CELF4: variants seen among roughly 807,000 people sequenced by gnomAD.
The protein encoded by CELF4 is CUG-BP- and ETR-3-like factor 4.
In CELF4, 18 loss-of-function variants were observed where a neutral mutation model predicts 59.9. The ratio of observed to expected loss-of-function variants is 0.30; its 90% CI spans 0.21 to 0.45. CELF4 has a LOEUF of 0.45. Ranked by LOEUF, CELF4 falls within the 20% of genes least tolerant of loss-of-function variation. The pLI, the probability that CELF4 is intolerant of heterozygous loss-of-function variation, is 1.00. For synonymous variants in CELF4, 261 were observed against 267.1 expected, an observed-to-expected ratio of 0.98 and a Z score of 0.22; for missense variants, 456 against 689.0, an observed-to-expected ratio of 0.66 and a Z score of 3.79.
At position 37,259,288 on chromosome 18, in the gene CELF4, C is replaced by A. The variant is rs771544570; in HGVS notation, c.1250-24G>T. On this transcript the variant is annotated intron_variant, in intron 10 of 12. Coordinates refer to ENST00000420428, the MANE Select transcript of CELF4 (RefSeq NM_020180.4). ...CCCTGCGGTGAGGGGAGGGGGTGGG[C>A]GGGGGAGGAGGGATGGCAGGGTGGG... 2.5e-5 allele frequency: 3 copies of A among 120,584 alleles called. No individual in the cohort carries two copies. In the East Asian group the frequency reaches 2.8e-4, roughly 11 times the overall value. The allele number at this position is 120,584 out of a possible 1,614,324, so 7.5% of individuals were successfully genotyped here.
chr18:37,454,450 T>C (rs975151936), intron 2 of CELF4, among the ~76,000 whole-genome samples: 1 of 152,160 alleles, frequency 6.6e-6, no homozygotes, highest in Non-Finnish European at 1.5e-5. Context: ...TTTGCTGACC[T>C]CCTTTACAGG....
intron 2 of CELF4, among the ~76,000 whole-genome samples, chr18:37,358,832 GGTGGTTCATGC>G (rs1444118665): frequency 0.042 from 3 of 72 alleles, no homozygotes; most frequent in East Asian, 0.38. Flanking sequence ...GCTGGGCATG[GGTGGTTCATGC>G]CTGTAATCCT....
At chr18:37,463,279 A>C (rs1019869064) in intron 2 of CELF4, among the ~76,000 whole-genome samples, 1 of 152,166 alleles carries the variant, frequency 6.6e-6, no homozygotes, top group African/African-American at 2.4e-5. Context: ...GGCAGCGGGC[A>C]TGGCTGCACC....
chr18:37,331,466 G>T (rs982832725), intron 2 of CELF4, among the ~76,000 whole-genome samples: 1 of 152,138 alleles, frequency 6.6e-6, no homozygotes, highest in African/African-American at 2.4e-5. Flanking sequence ...AGCTGCACAG[G>T]CTCCGAGTAT....
rs953675950 is a variant in CELF4, at chr18:37,296,140, A to C, written c.449-20897T>G. The stretch of plus-strand genomic sequence containing the variant: ...TGCCTCTTGGCTTGGCCATTCAACT[A>C]TCTTTTTGGCTTGTTTGTTTCATAT... On this transcript the variant is annotated intron_variant, in intron 3 of 12. Transcript: ENST00000420428. 4.6e-5 allele frequency among the ~76,000 whole-genome samples: 7 copies of C among 152,148 alleles called. 1 individual carries two copies. The highest frequency in any genetic ancestry group is 8.8e-5 in the Non-Finnish European group (6 of 68,026).
chr18:37,359,838 T>C (rs2098673038), intron 2 of CELF4, among the ~76,000 whole-genome samples: 1 of 151,636 alleles, frequency 6.6e-6, no homozygotes, highest in African/African-American at 2.4e-5. Flanking sequence ...TGAGTCACCA[T>C]GCCTGGGCTT....
At chr18:37,289,898 G>A (rs2095210849) in intron 3 of CELF4, among the ~76,000 whole-genome samples, 1 of 152,206 alleles carries the variant, frequency 6.6e-6, no homozygotes, top group Non-Finnish European at 1.5e-5. Context: ...ACTGGGCATT[G>A]CCCTCTTCAG....
At chr18:37,390,051 A>G (rs2099141687) in intron 2 of CELF4, among the ~76,000 whole-genome samples, 1 of 152,206 alleles carries the variant, frequency 6.6e-6, no homozygotes, top group Non-Finnish European at 1.5e-5. Context: ...GAGTGAAGGC[A>G]CAGCAGCTCT....
intron 2 of CELF4, among the ~76,000 whole-genome samples, chr18:37,438,852 C>A (rs566804333): frequency 6.6e-6 from 1 of 152,254 alleles, no homozygotes; most frequent in African/African-American, 2.4e-5. Context: ...AGGCTGCTTG[C>A]ATTTTTTTTT....
chr18:37,295,916 C>T (rs888082398), intron 3 of CELF4, among the ~76,000 whole-genome samples: 11 of 152,188 alleles, frequency 7.2e-5, no homozygotes, highest in Admixed American at 4.6e-4. Flanking sequence ...TGTGGGTCTT[C>T]GCTTTCTCTT....
At chr18:37,548,850 C>T (rs751666752) in intron 1 of CELF4, among the ~76,000 whole-genome samples, 1 of 152,174 alleles carries the variant, frequency 6.6e-6, no homozygotes, top group Non-Finnish European at 1.5e-5. Context: ...ACATCCTTGG[C>T]GTGCCAGCTA....
intron 2 of CELF4, among the ~76,000 whole-genome samples, chr18:37,421,708 G>A (rs2099579447): frequency 6.6e-6 from 1 of 152,266 alleles, no homozygotes; most frequent in Admixed American, 6.5e-5. Context: ...AGGCTTGAGG[G>A]TGACTGAGTT....
intron 3 of CELF4, 82 bp downstream of exon 3, chr18:37,321,721 C>T (rs2097127307): frequency 1.2e-5 from 12 of 1,005,478 alleles, no homozygotes; most frequent in Middle Eastern, 2.8e-4. Context: ...GGCGGGGAGT[C>T]GCTGCATCGC....
At chr18:37,426,643 A>G (rs2099614553) in intron 2 of CELF4, among the ~76,000 whole-genome samples, 1 of 151,272 alleles carries the variant, frequency 6.6e-6, no homozygotes, top group South Asian at 2.1e-4. Flanking sequence ...TCTTCCTTCC[A>G]GGAGTGGGAC....
At chr18:37,299,442 G>T (rs1442536207) in intron 3 of CELF4, among the ~76,000 whole-genome samples, 2 of 152,024 alleles carry the variant, frequency 1.3e-5, no homozygotes, top group Admixed American at 6.5e-5. Flanking sequence ...GGCCTGGTAT[G>T]GGGGCCGGGC....
In CELF4 at chr18:37,565,296, G is replaced by C. The variant is rs552486064; in HGVS notation, c.286+60C>G. 8.9e-6 allele frequency: 13 copies of C among 1,456,854 alleles called. No individual in the cohort carries two copies. The African/African-American group carries it at 1.4e-4, about 16-fold the overall frequency. The allele number at this position is 1,456,854 out of a possible 1,614,324, so 90.2% of individuals were successfully genotyped here. On this transcript the variant is annotated intron_variant, in intron 1 of 12. Transcript: ENST00000420428. ...GCCGCTCGTCAGTCGCCGGCCGGCC[G>C]GTCGGCCCGCCAGCCCGCTCCTGCT...
At chr18:37,305,690 C>T (rs2096352870) in intron 3 of CELF4, 1 of 152,238 alleles carries the variant, frequency 6.6e-6, no homozygotes, top group Admixed American at 6.5e-5. Context: ...CAAGTGAGCT[C>T]ATGGGCCTCA....
intron 2 of CELF4, among the ~76,000 whole-genome samples, chr18:37,409,575 G>T (rs1406439438): frequency 6.6e-6 from 1 of 152,194 alleles, no homozygotes; most frequent in Non-Finnish European, 1.5e-5. Context: ...CCTGCACCCT[G>T]TTGTCGAGGT....
rs2066949532 is a variant in CELF4 at position 37,253,612 on chromosome 18, G to T, written c.*44+155C>A. The stretch of plus-strand genomic sequence containing the variant: ...TCTGCCGGGGTGACGGCAGCTCTGC[G>T]CCTGGCCCGAGGAGCAGGGCGAGGA... On this transcript the variant is annotated intron_variant, in intron 12 of 12. Coordinates refer to ENST00000420428, the MANE Select transcript of CELF4 (RefSeq NM_020180.4). The surrounding 1 kb of genome is among the most constrained non-coding windows in gnomAD (Gnocchi z 4.5). Among the ~76,000 whole-genome samples, 3 of 152,260 alleles carry T rather than the reference G, an allele frequency of 2.0e-5. No individual in the cohort carries two copies. In the South Asian group the frequency reaches 6.2e-4, roughly 32 times the overall value.
Sources: allele counts gnomAD v4.1 joint callset (sites outside exome capture counted in the v4.1 genomes callset), GRCh38; gene constraint gnomAD v4.1.1; non-coding constraint Gnocchi (gnomAD v3.1); transcripts MANE v1.5; gene names NCBI Gene and HGNC (gene_info 2026-07-23, HGNC 2026-07-21).